Variants in DOP1A observed in about 807,000 individuals in gnomAD.
The protein encoded by DOP1A is protein DOP1A.
A neutral mutation model predicts 267.6 loss-of-function variants in DOP1A; 90 were observed. That is an observed-to-expected ratio of 0.34 (90% confidence interval 0.28 to 0.40). The LOEUF (loss-of-function observed/expected upper bound fraction) is 0.40, where lower values mean the gene tolerates loss of function less well. Among genes scored for constraint, DOP1A ranks in the 10% least tolerant of loss-of-function variants. The pLI is 1.00. For missense variants in DOP1A, 2,437 were observed against 2,900.4 expected, an observed-to-expected ratio of 0.84 and a Z score of 3.67; for synonymous variants, 932 against 999.1, an observed-to-expected ratio of 0.93 and a Z score of 1.27.
At chr6:83,105,073 T>C (rs1773341380) in intron 4 of DOP1A, among the ~76,000 whole-genome samples, 2 of 152,124 alleles carry the variant, frequency 1.3e-5, no homozygotes, top group South Asian at 4.1e-4. Context: ...TATGTATGTA[T>C]GTATGTGTTA....
At chr6:83,124,578 T>A in intron 12 of DOP1A, 127 bp from the exon 13 acceptor site, 1 of 737,798 alleles carries the variant, frequency 1.4e-6, no homozygotes, top group Non-Finnish European at 2.3e-6. Context: ...ATAAAATATG[T>A]CATCACAAAA....
chr6:83,157,419 G>A, intron 35 of DOP1A, 101 bp downstream of exon 35: 1 of 1,272,344 alleles, frequency 7.9e-7, no homozygotes, highest in Non-Finnish European at 1.1e-6. Context: ...GGAGAGAACT[G>A]AGCTGTAGTT....
At chr6:83,142,381 G>A (rs1260315089) in intron 24 of DOP1A, among the ~76,000 whole-genome samples, 3 of 151,986 alleles carry the variant, frequency 2.0e-5, no homozygotes, top group Admixed American at 6.6e-5. Context: ...GGTGGCACAC[G>A]CCTGTAGTCC....
In DOP1A at chr6:83,151,924, T is replaced by C; in HGVS notation, c.5946T>C (p.Ala1982=). 6.2e-7 allele frequency: 1 copy of C among 1,613,852 alleles called. No individual in the cohort carries two copies. Among genetic ancestry groups the C allele is most frequent in the Non-Finnish European group, 8.5e-7 (1 of 1,179,792 alleles). The part of the protein sequence containing the change: ...HKIVDAIGAI[A]GSSLEQTTWL... Reference sequence around the variant, plus strand: ...TAGTGGATGCAATTGGTGCAATTGCTGGTTCTTCTCTGGAACAGACAACAT... The same window carrying C: ...TAGTGGATGCAATTGGTGCAATTGCCGGTTCTTCTCTGGAACAGACAACAT... Residue 1982 remains alanine (A), a synonymous_variant, in exon 29 of 39, where the codon GCT becomes GCC. Transcript: ENST00000349129.
At chr6:83,158,253 G>A (rs528112050) in intron 35 of DOP1A, among the ~76,000 whole-genome samples, 84 of 152,006 alleles carry the variant, frequency 5.5e-4, no homozygotes, top group Non-Finnish European at 8.7e-4. Flanking sequence ...TGCCCACCTC[G>A]ACCTCCCAAA....
At position 83,124,813 on chromosome 6, in the gene DOP1A, T is replaced by C. The variant is rs1467086522; in HGVS notation, c.1449T>C (p.Val483=). ...TGGTGGATTTTTTGTTGGACATAGTTTCTTTGGTAAGACCACCTTGGTAAG... is the reference window on the plus strand; with the variant it reads ...TGGTGGATTTTTTGTTGGACATAGTCTCTTTGGTAAGACCACCTTGGTAAG... The part of the protein sequence containing the change: ...CLLVDFLLDI[V]SLPTRSMRVL... Residue 483 remains valine, a synonymous_variant, in exon 13 of 39, where the codon GTT becomes GTC. Transcript: ENST00000349129. 5.1e-5 allele frequency: 82 copies of C among 1,611,380 alleles called. No homozygotes were observed. Among genetic ancestry groups the C allele is most frequent in the Non-Finnish European group, 6.9e-5 (81 of 1,178,650 alleles).
intron 23 of DOP1A, 145 bp downstream of exon 23, chr6:83,140,548 G>A: frequency 1.5e-6 from 1 of 679,320 alleles, no homozygotes; most frequent in Non-Finnish European, 2.3e-6. Flanking sequence ...CCTGGGCTAT[G>A]GCTGACGTAT....
chr6:83,141,560 GT>G (rs1387694409), intron 23 of DOP1A, among the ~76,000 whole-genome samples: 2 of 152,070 alleles, frequency 1.3e-5, no homozygotes, highest in African/African-American at 2.4e-5. Flanking sequence ...TTTATGTTTC[GT>G]TTTACTTAAA....
chr6:83,149,063 T>G (rs944360436), intron 27 of DOP1A, among the ~76,000 whole-genome samples, 200 bp downstream of exon 27: 1 of 151,926 alleles, frequency 6.6e-6, no homozygotes, highest in African/African-American at 2.4e-5. Flanking sequence ...AAACAGTCTA[T>G]GTTTATACAT....
At chr6:83,161,311 A>G (rs1784181641) in intron 37 of DOP1A, 1 of 152,180 alleles carries the variant, frequency 6.6e-6, no homozygotes, top group South Asian at 2.1e-4. Context: ...TTCTAAAAAT[A>G]AAAATCTATA....
intron 30 of DOP1A, 78 bp downstream of exon 30, chr6:83,152,445 G>A (rs185785279): frequency 6.8e-6 from 4 of 584,690 alleles, no homozygotes; most frequent in Admixed American, 3.6e-5. Flanking sequence ...TTTTTATAGA[G>A]GAATTTCTAA....
chr6:83,089,052 A>T (rs1323216413), intron 1 of DOP1A, among the ~76,000 whole-genome samples: 1 of 152,152 alleles, frequency 6.6e-6, no homozygotes, highest in Non-Finnish European at 1.5e-5. Context: ...TATTCTTGGG[A>T]TGTGCTAGAA....
intron 1 of DOP1A, among the ~76,000 whole-genome samples, chr6:83,068,001 C>G (rs559941249): frequency 4.2e-4 from 64 of 152,274 alleles, no homozygotes; most frequent in Admixed American, 1.8e-3. Flanking sequence ...AGGGCCAGGG[C>G]TGGGGCCGGG....
At chr6:83,167,139 C>T (rs551001119) in intron 38 of DOP1A, 2 of 935,528 alleles carry the variant, frequency 2.1e-6, no homozygotes, top group Non-Finnish European at 2.5e-6. Context: ...TTTGACTTCT[C>T]TACTAAAAGG....
downstream of DOP1A, chr6:83,168,779 T>C: frequency 9.9e-7 from 1 of 1,008,342 alleles, no homozygotes; most frequent in Non-Finnish European, 1.2e-6. Context: ...ATAATCTTTC[T>C]TAAGACTCTG....
At chr6:83,155,006 G>T (rs73749721) in intron 33 of DOP1A, among the ~76,000 whole-genome samples, 4,354 of 152,228 alleles carry the variant, frequency 0.029, 154 homozygotes, top group East Asian at 0.083. Context: ...AGTGGGCCAC[G>T]CATTGCGCTA....
intron 4 of DOP1A, 137 bp downstream of exon 4, chr6:83,101,023 T>G (rs1772472860): frequency 3.8e-6 from 2 of 520,240 alleles, no homozygotes; most frequent in African/African-American, 2.0e-5. Context: ...AATCTTTGTT[T>G]TGTTTTGTTT....
intron 27 of DOP1A, among the ~76,000 whole-genome samples, chr6:83,151,353 G>T (rs951336987): frequency 1.3e-5 from 2 of 152,034 alleles, no homozygotes; most frequent in Non-Finnish European, 1.5e-5. Flanking sequence ...GCTCTTGCTG[G>T]ACATCTGGGT....
chr6:83,083,161 A>G (rs894327308), intron 1 of DOP1A, among the ~76,000 whole-genome samples: 1 of 152,162 alleles, frequency 6.6e-6, no homozygotes, highest in Non-Finnish European at 1.5e-5. Flanking sequence ...CTGTATCAGA[A>G]TCATGATCAT....
Sources: allele counts gnomAD v4.1 joint callset (sites outside exome capture counted in the v4.1 genomes callset), GRCh38; gene constraint gnomAD v4.1.1; transcripts MANE v1.5; gene names NCBI Gene and HGNC (gene_info 2026-07-23, HGNC 2026-07-21).